The following SLC39A1 variants were observed in gnomAD, a reference collection of about 807,000 sequenced individuals.
SLC39A1 encodes the protein solute carrier family 39 member 1.
A neutral mutation model predicts 21.4 loss-of-function variants in SLC39A1; 17 were observed. That is an observed-to-expected ratio of 0.79 (90% CI 0.54 to 1.19). The LOEUF (loss-of-function observed/expected upper bound fraction) is 1.19, where lower values mean the gene tolerates loss of function less well. Among genes scored for constraint, SLC39A1 ranks in the 50% most tolerant of loss-of-function variants. The probability of loss-of-function intolerance (pLI) is 0.00; values close to 1 mark genes in which losing one functional copy is unlikely to be tolerated. For synonymous variants in SLC39A1, 183 were observed against 185.9 expected, an observed-to-expected ratio of 0.98 and a Z score of 0.13; for missense variants, 343 against 399.8, an observed-to-expected ratio of 0.86 and a Z score of 1.21.
rs1478278843 is a variant in SLC39A1, at chr1:153,959,693, A to G, written c.*405T>C. 8.7e-6 allele frequency: 2 copies of G among 229,830 alleles called. No homozygotes were observed. Among genetic ancestry groups the G allele is most frequent in the African/African-American group, 4.5e-5 (2 of 44,256 alleles). The allele number at this position is 229,830 out of a possible 1,614,324, so 14.2% of individuals were successfully genotyped here. On this transcript the variant is annotated 3_prime_UTR_variant, in exon 4 of 4. Coordinates refer to ENST00000356205, the MANE Select transcript of SLC39A1 (RefSeq NM_001271958.2). ...CCACTCCAAGTGGCAGGGTGCTGAA[A>G]TGGGCTAGGACCAACAGGACACTGA... is the stretch of plus-strand genomic sequence containing the variant.
In SLC39A1 at chr1:153,960,770, G is replaced by A. The variant is rs1463675368; in HGVS notation, c.319-16C>T. 1.9e-6 allele frequency: 3 copies of A among 1,595,872 alleles called. No homozygotes were observed. Among genetic ancestry groups the A allele is most frequent in the Non-Finnish European group, 2.6e-6 (3 of 1,173,866 alleles). ...GGAACTGGAGCTGTGGGCAGAAGCAGCAGCAAAATGTTCAGGGAAGGAAGA... is the reference window on the plus strand; with the variant it reads ...GGAACTGGAGCTGTGGGCAGAAGCAACAGCAAAATGTTCAGGGAAGGAAGA... On this transcript the variant is annotated splice_polypyrimidine_tract_variant and intron_variant, in intron 3 of 3. Coordinates refer to ENST00000356205, the MANE Select transcript of SLC39A1 (RefSeq NM_001271958.2).
Position 153,959,112 on chromosome 1 carries a change from T to C in SLC39A1, c.*986A>G, listed in dbSNP as rs1225617564. On this transcript the variant is annotated 3_prime_UTR_variant, in exon 4 of 4. Transcript: ENST00000356205. ...AAACGAATCAGATACTGTACAGATG[T>C]CTAGAAACATCTTTTATTTGGGTAA... 1 of 398,366 alleles carries C rather than the reference T, an allele frequency of 2.5e-6. No homozygotes were observed. The highest frequency in any genetic ancestry group is 2.1e-5 in the African/African-American group (1 of 48,604). The allele number at this position is 398,366 out of a possible 1,614,324, so 24.7% of individuals were successfully genotyped here. A position where few individuals can be genotyped will look rare whatever the true frequency, so the allele number is the denominator to read the frequency against.
chr1:153,964,989 T>G (rs1647698377), upstream of SLC39A1: 1 of 152,072 alleles, frequency 6.6e-6, no homozygotes, highest in Non-Finnish European at 1.5e-5. Context: ...GAATTATGAC[T>G]GGGGGGGTCA....
chr1:153,959,204 C>T lies in SLC39A1; in HGVS notation c.*894G>A, dbSNP rs41310879. 485 of 399,052 alleles carry T rather than the reference C, an allele frequency of 1.2e-3. No homozygotes were observed. Among genetic ancestry groups the T allele is most frequent in the South Asian group, 4.5e-3 (35 of 7,844 alleles). The allele number at this position is 399,052 out of a possible 1,614,324, so 24.7% of individuals were successfully genotyped here. ...AATATGTCCCTATGCACAGCCCTCC[C>T]TCCCCAAAAATAACGCTGGGGGTAG... is the stretch of plus-strand genomic sequence containing the variant. On this transcript the variant is annotated 3_prime_UTR_variant, in exon 4 of 4. Transcript: ENST00000356205.
Position 153,962,305 on chromosome 1 carries a change from C to T in SLC39A1, c.233G>A (p.Gly78Asp). The T allele has an allele frequency of 1.2e-6, 2 of 1,614,064 alleles. No homozygotes were observed. Among genetic ancestry groups the T allele is most frequent in the Non-Finnish European group, 8.5e-7 (1 of 1,180,002 alleles). Residue 78 changes from glycine to aspartate, a missense_variant, in exon 3 of 4, where the codon GGC (glycine) becomes GAC (aspartate). Transcript: ENST00000356205. Reference protein sequence around the residue: ...ALSLVSCFAGGVFLATCLLDL... With the variant: ...ALSLVSCFAGDVFLATCLLDL... ...CAGGAGACAAGTGGCCAAAAAGACG[C>T]CCCCCGCGAAACAGCTTACTAGGCT...
intron 2 of SLC39A1, 89 bp downstream of exon 2, chr1:153,962,440 T>C (rs777346622): frequency 6.3e-7 from 1 of 1,576,104 alleles, no homozygotes; most frequent in Non-Finnish European, 8.6e-7. Context: ...ACCCTTGCCT[T>C]TCCCTCCTCC....
chr1:153,962,080 C>T (rs1647474148), intron 3 of SLC39A1, 140 bp downstream of exon 3: 1 of 1,279,378 alleles, frequency 7.8e-7, no homozygotes, highest in East Asian at 2.4e-5. Flanking sequence ...TGCCCCATAA[C>T]CAAAAATCAC....
upstream of SLC39A1, chr1:153,967,366 C>A (rs1647857407): frequency 6.6e-6 from 1 of 152,262 alleles, no homozygotes; most frequent in African/African-American, 2.4e-5. Context: ...TTCCGAGTCA[C>A]GTGGCGCGCG....
At chr1:153,964,540 AG>A (rs1647678042), upstream of SLC39A1, 1 of 152,160 alleles carries the variant, frequency 6.6e-6, no homozygotes, top group Non-Finnish European at 1.5e-5. Flanking sequence ...TGCTTCCTAC[AG>A]GAAAATTAAT....
At chr1:153,960,914 C>T (rs955867011) in intron 3 of SLC39A1, among the ~76,000 whole-genome samples, 160 bp from the exon 4 acceptor site, 1 of 152,212 alleles carries the variant, frequency 6.6e-6, no homozygotes, top group African/African-American at 2.4e-5. Flanking sequence ...CAGAATGATA[C>T]GTACACACAG....
intron 1 of SLC39A1, chr1:153,963,182 C>G (rs1647586564): frequency 6.5e-6 from 1 of 154,912 alleles, no homozygotes. Flanking sequence ...GCCACCTGGA[C>G]AGGGTAAGTT....
chr1:153,960,773 G>A lies in SLC39A1; in HGVS notation c.319-19C>T. 6.3e-7 allele frequency: 1 copy of A among 1,595,078 alleles called. No individual in the cohort carries two copies. The highest frequency in any genetic ancestry group is 8.5e-7 in the Non-Finnish European group (1 of 1,173,610). On this transcript the variant is annotated intron_variant, in intron 3 of 3. Transcript: ENST00000356205. The stretch of plus-strand genomic sequence containing the variant: ...ACTGGAGCTGTGGGCAGAAGCAGCA[G>A]CAAAATGTTCAGGGAAGGAAGAGTG...
Position 153,960,499 on chromosome 1 carries a change from C to G in SLC39A1, c.574G>C (p.Val192Leu), listed in dbSNP as rs768810633. The change falls in exon 4 of 4, where the codon GTG becomes CTG. Residue 192 changes from valine (V) to leucine (L), a missense_variant. Physicochemically the swap from Val to Leu is conservative, Grantham distance 32. Coordinates refer to ENST00000356205, the MANE Select transcript of SLC39A1 (RefSeq NM_001271958.2). ...AGCCCTACCGCCAGCCCCTCGAACA[C>G]GGAGTGGAGGGCCAGGGAGAACACC... ...VLVFSLALHS[V>L]FEGLAVGLQR... is the part of the protein sequence containing the mutation. 9 of 1,613,270 alleles carry G rather than the reference C, an allele frequency of 5.6e-6. No individual in the cohort carries two copies. The African/African-American group carries it at 8.0e-5, about 14-fold the overall frequency.
Position 153,959,437 on chromosome 1 carries a change from A to T in SLC39A1, c.*661T>A. The stretch of plus-strand genomic sequence containing the variant: ...AGGATCCGGGACCAAAATAAAGAGC[A>T]AGCAGGCCCCCTTCACTGAGGTGCT... On this transcript the variant is annotated 3_prime_UTR_variant, in exon 4 of 4. Transcript: ENST00000356205. The T allele has an allele frequency of 2.5e-6, 1 of 396,772 alleles. No individual in the cohort carries two copies. Among genetic ancestry groups the T allele is most frequent in the Admixed American group, 4.4e-5 (1 of 22,696 alleles). The allele number at this position is 396,772 out of a possible 1,614,324, so 24.6% of individuals were successfully genotyped here.
rs1260472620 is a variant in SLC39A1 at position 153,959,386 on chromosome 1, C to T, written c.*712G>A. The T allele has an allele frequency of 4.8e-5, 19 of 397,846 alleles. No individual in the cohort carries two copies. The highest frequency in any genetic ancestry group is 1.6e-4 in the African/African-American group (8 of 48,596). 24.6% of individuals were successfully genotyped at this position (397,846 alleles called of 1,614,324 possible). On this transcript the variant is annotated 3_prime_UTR_variant, in exon 4 of 4. Coordinates refer to ENST00000356205, the MANE Select transcript of SLC39A1 (RefSeq NM_001271958.2). ...TGCAACAACCTTCCTCCTACCCCAG[C>T]CCAGAAAATATTTCTGCCCCACCCC...
chr1:153,960,780 G>C, intron 3 of SLC39A1, 26 bp from the exon 4 acceptor site: 1 of 1,590,496 alleles, frequency 6.3e-7, no homozygotes, highest in Non-Finnish European at 8.5e-7. Context: ...GCAGCAAAAT[G>C]TTCAGGGAAG....
At chr1:153,962,404 C>G (rs764259486) in intron 2 of SLC39A1, 54 bp from the exon 3 acceptor site, 15 of 1,592,184 alleles carry the variant, frequency 9.4e-6, no homozygotes, top group Non-Finnish European at 1.3e-5. Flanking sequence ...CCTCCAGGGC[C>G]GACCACCCCA....
chr1:153,960,722 G>A lies in SLC39A1; in HGVS notation c.351C>T (p.Ala117=), dbSNP rs140896056. ...TCACCAGGACCAGGAAGAAGCCCAT[G>A]GCCAGGATGAACTCTTGCAGTGGGA... ...LQFPLQEFIL[A]MGFFLVLVME... The change falls in exon 4 of 4, where the codon GCC becomes GCT. Residue 117 remains alanine, a synonymous_variant. Transcript: ENST00000356205. 217 of 1,612,390 alleles carry A rather than the reference G, an allele frequency of 1.3e-4. No homozygotes were observed. In the African/African-American group the frequency reaches 2.1e-3, roughly 16 times the overall value.
chr1:153,962,848 C>T, intron 1 of SLC39A1, 101 bp from the exon 2 acceptor site: 4 of 924,468 alleles, frequency 4.3e-6, no homozygotes, highest in Non-Finnish European at 6.2e-6. Context: ...CTGGCCCCAG[C>T]CACTTTGTGA....
Sources: gnomAD v4.1 joint callset for allele counts (sites outside exome capture counted in the v4.1 genomes callset) on GRCh38, gnomAD v4.1.1 for gene constraint, MANE v1.5 for transcripts, NCBI Gene and HGNC (gene_info 2026-07-23, HGNC 2026-07-21) for gene names.